TMEM150C: variants seen among roughly 807,000 people sequenced by gnomAD.
The protein encoded by TMEM150C is tentonin 3.
TMEM150C carries 10 observed loss-of-function variants against 29.9 expected under a neutral mutation model. The observed-to-expected ratio is 0.33, with a 90% CI of 0.21 to 0.57. The LOEUF (loss-of-function observed/expected upper bound fraction) is 0.57, where lower values mean the gene tolerates loss of function less well. TMEM150C is among the 20% of genes least tolerant of loss of function. TMEM150C has a pLI of 0.88. For synonymous variants in TMEM150C, 101 were observed against 112.5 expected (o/e 0.90, Z 0.64); for missense variants, 251 against 303.6 (o/e 0.83, Z 1.29).
intron 5 of TMEM150C, among the ~76,000 whole-genome samples, chr4:82,502,315 T>C (rs938509498): frequency 6.6e-6 from 1 of 152,238 alleles, no homozygotes; most frequent in African/African-American, 2.4e-5. Context: ...AAAGACAGTA[T>C]CTACACACAT....
chr4:82,539,597 C>T (rs1214673417), intron 1 of TMEM150C, among the ~76,000 whole-genome samples: 1 of 152,006 alleles, frequency 6.6e-6, no homozygotes, highest in Non-Finnish European at 1.5e-5. Flanking sequence ...GGACTACAGG[C>T]GCCCGCCACC....
At chr4:82,538,873 C>T (rs981319977) in intron 1 of TMEM150C, among the ~76,000 whole-genome samples, 1 of 152,004 alleles carries the variant, frequency 6.6e-6, no homozygotes, top group South Asian at 2.1e-4. Flanking sequence ...CCAGCCTGGG[C>T]AACATGGCGA....
At chr4:82,526,096 G>T (rs1169449407) in intron 1 of TMEM150C, among the ~76,000 whole-genome samples, 4 of 152,002 alleles carry the variant, frequency 2.6e-5, no homozygotes, top group African/African-American at 9.7e-5. Context: ...GTAGAGACAG[G>T]GTTTTACCAT....
At chr4:82,514,399 G>T (rs1034250616) in intron 1 of TMEM150C, among the ~76,000 whole-genome samples, 15 of 152,212 alleles carry the variant, frequency 9.9e-5, no homozygotes, top group South Asian at 2.1e-4. Context: ...TTGCCTTTTA[G>T]CTCACAGGTT....
At chr4:82,557,942 G>A (rs1031687899) in intron 1 of TMEM150C, among the ~76,000 whole-genome samples, 2 of 151,540 alleles carry the variant, frequency 1.3e-5, no homozygotes, top group South Asian at 2.1e-4. Flanking sequence ...TGTATTGGCC[G>A]GGCTGGTCTC....
At chr4:82,493,712 A>G (rs1253272776) in intron 6 of TMEM150C, among the ~76,000 whole-genome samples, 1 of 152,232 alleles carries the variant, frequency 6.6e-6, no homozygotes, top group Non-Finnish European at 1.5e-5. Context: ...TACCCTCAGC[A>G]CAGGCCAGCA....
intron 1 of TMEM150C, among the ~76,000 whole-genome samples, chr4:82,540,114 C>CTTTTTTTTTTTTTTTTTTTTTTTTT (rs577728662): frequency 2.1e-5 from 1 of 47,254 alleles, no homozygotes; most frequent in Admixed American, 2.6e-4. Context: ...TCTACCTATT[C>CTTTTTTTTTTTTTTTTTTTTTTTTT]TTTTTTTTTT....
rs1479685217 is a variant in TMEM150C, at chr4:82,485,561, A to C, written c.700T>G (p.Phe234Val). The C allele has an allele frequency of 6.2e-7, 1 of 1,610,532 alleles. No individual in the cohort carries two copies. The highest frequency in any genetic ancestry group is 8.5e-7 in the Non-Finnish European group (1 of 1,178,414). Residue 234 changes from phenylalanine (F) to valine (V), a missense_variant, in exon 8 of 8, where the codon TTC (phenylalanine) becomes GTC (valine). Coordinates refer to ENST00000449862, the MANE Select transcript of TMEM150C (RefSeq NM_001080506.3). ...CSEYQENFLS[F>V]SESLSEASEY... ...GAAGCTTCTGACAGGCTTTCTGAGA[A>C]GCTTAGGAAATTCTCCTGGTACTCA...
At chr4:82,488,366 T>G (rs1348936097) in intron 7 of TMEM150C, among the ~76,000 whole-genome samples, 1 of 152,238 alleles carries the variant, frequency 6.6e-6, no homozygotes. Flanking sequence ...ATTATCTGTG[T>G]GATCTTGCGC....
At chr4:82,545,879 T>C (rs548293552) in intron 1 of TMEM150C, among the ~76,000 whole-genome samples, 1 of 152,116 alleles carries the variant, frequency 6.6e-6, no homozygotes, top group Admixed American at 6.5e-5. Context: ...GAGCTGAGAT[T>C]GCACCATTGC....
chr4:82,501,205 A>G (rs182071771), intron 5 of TMEM150C, among the ~76,000 whole-genome samples: 3 of 152,362 alleles, frequency 2.0e-5, no homozygotes, highest in African/African-American at 7.2e-5. Context: ...AGTAGAAAAA[A>G]GGAGCACGTA....
chr4:82,560,982 G>A (rs974599627), intron 1 of TMEM150C, among the ~76,000 whole-genome samples: 2 of 152,174 alleles, frequency 1.3e-5, no homozygotes, highest in Admixed American at 1.3e-4. Flanking sequence ...TCCCACATGC[G>A]GTCACAATCC....
intron 1 of TMEM150C, among the ~76,000 whole-genome samples, chr4:82,553,228 A>C (rs1386914390): frequency 2.6e-5 from 4 of 152,202 alleles, no homozygotes; most frequent in Non-Finnish European, 4.4e-5. Context: ...TATCGAAAAA[A>C]CATCAAATGC....
intron 1 of TMEM150C, among the ~76,000 whole-genome samples, chr4:82,535,210 C>G (rs770051325): frequency 6.6e-5 from 10 of 152,144 alleles, no homozygotes; most frequent in Non-Finnish European, 1.5e-4. Context: ...GTCCTGGAGG[C>G]TGGGAAGTCC....
At chr4:82,558,092 A>T (rs551118935) in intron 1 of TMEM150C, among the ~76,000 whole-genome samples, 1 of 151,986 alleles carries the variant, frequency 6.6e-6, no homozygotes, top group Non-Finnish European at 1.5e-5. Context: ...GGTATTATCA[A>T]TGCCAATTGC....
intron 7 of TMEM150C, 84 bp downstream of exon 7, chr4:82,489,977 C>A (rs1723279905): frequency 7.4e-7 from 1 of 1,359,860 alleles, no homozygotes; most frequent in Non-Finnish European, 1.0e-6. Flanking sequence ...GGCAGAATAT[C>A]CTAACCCACT....
At chr4:82,518,223 G>A (rs1724358237) in intron 1 of TMEM150C, among the ~76,000 whole-genome samples, 2 of 152,116 alleles carry the variant, frequency 1.3e-5, no homozygotes, top group African/African-American at 4.8e-5. Flanking sequence ...GACTGAGGCA[G>A]GAGAATTGCT....
At chr4:82,518,011 A>G (rs1724349325) in intron 1 of TMEM150C, among the ~76,000 whole-genome samples, 1 of 152,148 alleles carries the variant, frequency 6.6e-6, no homozygotes, top group Non-Finnish European at 1.5e-5. Context: ...AGACTAAAAA[A>G]TATTCTCAGA....
At chr4:82,522,996 TAGA>T (rs1724535249) in intron 1 of TMEM150C, among the ~76,000 whole-genome samples, 2 of 152,020 alleles carry the variant, frequency 1.3e-5, no homozygotes, top group South Asian at 4.2e-4. Context: ...GTGGGCCCAG[TAGA>T]AGGTTCAGGA....
Sources: allele counts gnomAD v4.1 joint callset (sites outside exome capture counted in the v4.1 genomes callset), GRCh38; gene constraint gnomAD v4.1.1; transcripts MANE v1.5; gene names NCBI Gene and HGNC (gene_info 2026-07-23, HGNC 2026-07-21).